The following PCDH17 variants were observed in gnomAD, a reference collection of about 807,000 sequenced individuals.
The protein encoded by PCDH17 is protocadherin-17.
PCDH17 carries 21 observed loss-of-function variants against 67.7 expected under a neutral mutation model. The ratio of observed to expected loss-of-function variants is 0.31; its 90% confidence interval spans 0.22 to 0.45. The LOEUF (loss-of-function observed/expected upper bound fraction) is 0.45, where lower values mean the gene tolerates loss of function less well. PCDH17 is among the 20% of genes least tolerant of loss of function. The pLI is 1.00. For missense variants in PCDH17, 1,471 were observed against 1,564.8 expected, an observed-to-expected ratio of 0.94 and a Z score of 1.01; for synonymous variants, 701 against 656.7, an observed-to-expected ratio of 1.07 and a Z score of -1.03.
chr13:57,631,057 AAGAG>A (rs1249427172), upstream of PCDH17, among the ~76,000 whole-genome samples: 1 of 152,180 alleles, frequency 6.6e-6, no homozygotes, highest in East Asian at 1.9e-4. Context: ...GAAAAACTGA[AAGAG>A]AGACTGCAGA....
chr13:57,633,945 G>A lies in PCDH17; in HGVS notation c.1399G>A (p.Asp467Asn). The change falls in exon 1 of 4, where the codon GAC becomes AAC. Residue 467 changes from aspartate to asparagine, a missense_variant. By Grantham distance (23) the Asp-to-Asn change is conservative (BLOSUM62 1). Around this residue, in one of 3 missense-constraint regions of PCDH17, gnomAD observed 1,163 missense variants for 1,230.0 expected, o/e 0.95. Transcript: ENST00000377918. This position sits in a 1 kb window ranked among gnomAD's most constrained non-coding sequence, Gnocchi z 6.2. ...SFAIKILDEN[D>N]NPPRFTKGLY... ...CGCGATCAAGATTCTAGACGAGAAC[G>A]ACAACCCGCCTCGGTTCACCAAAGG... 6.2e-7 allele frequency: 1 copy of A among 1,613,490 alleles called. No individual in the cohort carries two copies. The highest frequency in any genetic ancestry group is 8.5e-7 in the Non-Finnish European group (1 of 1,180,016).
chr13:57,713,442 T>C (rs1158406057), intron 3 of PCDH17, among the ~76,000 whole-genome samples: 2 of 151,538 alleles, frequency 1.3e-5, no homozygotes, highest in Non-Finnish European at 3.0e-5. Flanking sequence ...AGAACAGCCT[T>C]TATTTGAAAT....
chr13:57,631,004 C>G (rs978916501), upstream of PCDH17, among the ~76,000 whole-genome samples: 9 of 152,120 alleles, frequency 5.9e-5, no homozygotes, highest in Non-Finnish European at 1.2e-4. Flanking sequence ...GCTGGACCGC[C>G]GCGGCCGCAG....
chr13:57,705,896 TC>T (rs755641550), intron 3 of PCDH17, among the ~76,000 whole-genome samples: 28 of 151,880 alleles, frequency 1.8e-4, no homozygotes, highest in South Asian at 8.3e-4. Flanking sequence ...ATGCCTGTAA[TC>T]CCAGCTACTT....
chr13:57,693,745 C>A (rs901448010), intron 3 of PCDH17, among the ~76,000 whole-genome samples: 2 of 150,788 alleles, frequency 1.3e-5, no homozygotes, highest in Non-Finnish European at 3.0e-5. Context: ...TTATATAGGT[C>A]TTTTAAAGTT....
At chr13:57,693,980 T>G (rs938574895) in intron 3 of PCDH17, among the ~76,000 whole-genome samples, 30 of 150,820 alleles carry the variant, frequency 2.0e-4, no homozygotes, top group African/African-American at 6.8e-4. Context: ...TTTTTTTTTC[T>G]TTTTTGAGGT....
chr13:57,668,210 A>G (rs1955279155), intron 3 of PCDH17, among the ~76,000 whole-genome samples: 2 of 152,034 alleles, frequency 1.3e-5, no homozygotes, highest in Admixed American at 1.3e-4. Context: ...GTGATTTTAT[A>G]AAACATATGA....
At chr13:57,672,234 A>T (rs2138033003) in intron 3 of PCDH17, among the ~76,000 whole-genome samples, 1 of 152,192 alleles carries the variant, frequency 6.6e-6, no homozygotes, top group South Asian at 2.1e-4. Context: ...CATTCTAGAA[A>T]ATCACAGAAA....
intron 3 of PCDH17, among the ~76,000 whole-genome samples, chr13:57,719,970 A>G (rs1955859240): frequency 6.6e-6 from 1 of 152,076 alleles, no homozygotes; most frequent in Non-Finnish European, 1.5e-5. Context: ...TAGTGACATT[A>G]TACAATTAAA....
At chr13:57,688,734 T>C (rs1955529827) in intron 3 of PCDH17, among the ~76,000 whole-genome samples, 1 of 152,076 alleles carries the variant, frequency 6.6e-6, no homozygotes, top group African/African-American at 2.4e-5. Context: ...GTTGCAGTAT[T>C]GACTCAGTAA....
chr13:57,655,842 TTTTA>T (rs1955095955), intron 1 of PCDH17, among the ~76,000 whole-genome samples: 1 of 144,652 alleles, frequency 6.9e-6, no homozygotes, highest in East Asian at 2.0e-4. Flanking sequence ...GTAGTTCTAG[TTTTA>T]TTTATTATGT....
intron 3 of PCDH17, among the ~76,000 whole-genome samples, chr13:57,699,050 G>C (rs1416733451): frequency 1.3e-5 from 2 of 151,676 alleles, no homozygotes; most frequent in East Asian, 3.9e-4. Context: ...AAGTATTAGA[G>C]ATAACGGCAG....
intron 1 of PCDH17, among the ~76,000 whole-genome samples, chr13:57,650,512 A>C (rs1955023407): frequency 6.6e-6 from 1 of 152,142 alleles, no homozygotes; most frequent in South Asian, 2.1e-4. Flanking sequence ...TCCTGGGAAA[A>C]ACAACAACTA....
At chr13:57,688,636 G>A (rs1955529087) in intron 3 of PCDH17, among the ~76,000 whole-genome samples, 1 of 151,972 alleles carries the variant, frequency 6.6e-6, no homozygotes. Context: ...ATTATATCAA[G>A]GTACTTGACT....
At chr13:57,724,051 T>TA (rs998539746) in intron 3 of PCDH17, among the ~76,000 whole-genome samples, 9 of 152,172 alleles carry the variant, frequency 5.9e-5, no homozygotes, top group Admixed American at 4.6e-4. Context: ...TACGTCCTGA[T>TA]AAAAAATTCC....
At chr13:57,706,663 T>C (rs554519188) in intron 3 of PCDH17, among the ~76,000 whole-genome samples, 1 of 152,164 alleles carries the variant, frequency 6.6e-6, no homozygotes, top group Non-Finnish European at 1.5e-5. Context: ...TTTCTGCTAG[T>C]ATAAAATTCT....
chr13:57,717,082 T>C (rs1461717367), intron 3 of PCDH17, among the ~76,000 whole-genome samples: 2 of 152,064 alleles, frequency 1.3e-5, no homozygotes, highest in East Asian at 2.0e-4. Flanking sequence ...TGGTATAATA[T>C]TGAGCTTCAG....
At chr13:57,686,144 T>G (rs1955505356) in intron 3 of PCDH17, among the ~76,000 whole-genome samples, 1 of 151,864 alleles carries the variant, frequency 6.6e-6, no homozygotes, top group Admixed American at 6.6e-5. Flanking sequence ...AATTAATAAA[T>G]ATTTGTTCAT....
intron 3 of PCDH17, among the ~76,000 whole-genome samples, chr13:57,692,669 T>G (rs1227008976): frequency 1.3e-5 from 2 of 151,174 alleles, no homozygotes; most frequent in Non-Finnish European, 3.0e-5. Context: ...TTCACTTATT[T>G]TAGATTGAGT....
Sources: gnomAD v4.1 joint callset for allele counts (sites outside exome capture counted in the v4.1 genomes callset) on GRCh38, gnomAD v4.1.1 for gene constraint, gnomAD v4.1.1 regional missense constraint, Gnocchi (gnomAD v3.1) non-coding constraint, MANE v1.5 for transcripts, NCBI Gene and HGNC (gene_info 2026-07-23, HGNC 2026-07-21) for gene names.